The following TBC1D32 variants were observed in gnomAD, a reference collection of about 807,000 sequenced individuals.
TBC1D32 encodes protein broad-minded.
TBC1D32 carries 151 observed loss-of-function variants against 170.3 expected under a neutral mutation model. That is an observed-to-expected ratio of 0.89 (90% confidence interval 0.78 to 1.01). TBC1D32 has a LOEUF of 1.01. Among genes scored for constraint, TBC1D32 ranks in the 50% least tolerant of loss-of-function variants. The pLI is 0.00. For missense variants in TBC1D32, 1,464 were observed against 1,457.1 expected (o/e 1.00, Z -0.08); for synonymous variants, 498 against 488.0 (o/e 1.02, Z -0.27).
At chr6:121,260,081 A>C (rs1799566641) in intron 15 of TBC1D32, among the ~76,000 whole-genome samples, 1 of 152,180 alleles carries the variant, frequency 6.6e-6, no homozygotes, top group Admixed American at 6.5e-5. Flanking sequence ...TTAAGAACAA[A>C]GGAGAAACCA....
intron 30 of TBC1D32, among the ~76,000 whole-genome samples, chr6:121,096,430 T>C (rs2128181644): frequency 6.6e-6 from 1 of 152,152 alleles, no homozygotes; most frequent in South Asian, 2.1e-4. Context: ...AAATCATGAG[T>C]GAACTTCCAT....
intron 15 of TBC1D32, 23 bp downstream of exon 15, chr6:121,279,098 T>C (rs898002287): frequency 6.4e-7 from 1 of 1,574,110 alleles, no homozygotes; most frequent in Non-Finnish European, 8.6e-7. Flanking sequence ...GGAATAATTA[T>C]CCGGATTTAA....
At chr6:121,215,961 G>A (rs1013073721) in intron 21 of TBC1D32, among the ~76,000 whole-genome samples, 4 of 152,230 alleles carry the variant, frequency 2.6e-5, no homozygotes, top group South Asian at 2.1e-4. Context: ...CCCAAACAGC[G>A]ATAAATAGAA....
intron 1 of TBC1D32, among the ~76,000 whole-genome samples, chr6:121,328,609 A>G (rs1251120313): frequency 1.3e-5 from 2 of 152,078 alleles, no homozygotes; most frequent in African/African-American, 4.8e-5. Flanking sequence ...TATAGTCTGT[A>G]CAACGAATAA....
At chr6:121,248,735 C>T (rs1797939066) in intron 17 of TBC1D32, among the ~76,000 whole-genome samples, 1 of 151,434 alleles carries the variant, frequency 6.6e-6, no homozygotes, top group South Asian at 2.1e-4. Flanking sequence ...AAATATACAA[C>T]CATCCTAGAT....
intron 12 of TBC1D32, among the ~76,000 whole-genome samples, chr6:121,290,716 C>T (rs915710041): frequency 2.0e-5 from 3 of 151,792 alleles, no homozygotes; most frequent in African/African-American, 7.3e-5. Context: ...TTTATTGCGG[C>T]ACTATTCACA....
intron 20 of TBC1D32, 115 bp from the exon 21 acceptor site, chr6:121,223,467 C>T (rs1233116635): frequency 1.4e-6 from 1 of 714,160 alleles, no homozygotes; most frequent in South Asian, 1.7e-5. Context: ...TTTAAATATA[C>T]CTAATTCCCA....
intron 24 of TBC1D32, among the ~76,000 whole-genome samples, chr6:121,147,901 T>G (rs2128231345): frequency 6.7e-6 from 1 of 148,274 alleles, no homozygotes; most frequent in East Asian, 2.1e-4. Flanking sequence ...CTCATATTAT[T>G]TTTGTAACTT....
At chr6:121,256,531 G>A (rs1799043534) in intron 15 of TBC1D32, among the ~76,000 whole-genome samples, 1 of 152,092 alleles carries the variant, frequency 6.6e-6, no homozygotes, top group Non-Finnish European at 1.5e-5. Flanking sequence ...GATTATAGAC[G>A]CATTGAGACC....
intron 22 of TBC1D32, among the ~76,000 whole-genome samples, chr6:121,171,383 T>G (rs1409831975): frequency 6.6e-6 from 1 of 150,610 alleles, no homozygotes; most frequent in Non-Finnish European, 1.5e-5. Flanking sequence ...TCAAGCAAAC[T>G]TTAAAAGTGC....
intron 22 of TBC1D32, among the ~76,000 whole-genome samples, chr6:121,171,770 T>A (rs909702068): frequency 3.9e-5 from 6 of 152,124 alleles, no homozygotes; most frequent in Non-Finnish European, 7.4e-5. Flanking sequence ...TTTTATATGT[T>A]TAAAAATTCT....
chr6:121,317,787 T>G lies in TBC1D32; in HGVS notation c.318-115A>C, dbSNP rs575222951. ...AAGGGAAGTCCCTTTAAGAACACAA[T>G]GCTAAGGAGAAAAATCGAACTCAAT... On this transcript the variant is annotated intron_variant, in intron 2 of 31. Coordinates refer to ENST00000398212, the MANE Select transcript of TBC1D32 (RefSeq NM_152730.6). 3.6e-5 allele frequency: 24 copies of G among 661,704 alleles called. No homozygotes were observed. In the South Asian group the frequency reaches 7.4e-4, roughly 20 times the overall value. 41.0% of individuals were successfully genotyped at this position (661,704 alleles called of 1,614,324 possible). A position where few individuals can be genotyped will look rare whatever the true frequency, so the allele number is the denominator to read the frequency against.
Position 121,300,998 on chromosome 6 carries a change from TCA to T in TBC1D32, c.1081-1495_1081-1494del, listed in dbSNP as rs1169351683. 4.9e-3 allele frequency among the ~76,000 whole-genome samples: 749 copies of T among 152,274 alleles called. 4 individuals carry two copies. The highest frequency in any genetic ancestry group is 0.017 in the African/African-American group (725 of 41,544). On this transcript the variant is annotated intron_variant, in intron 9 of 31. Coordinates refer to ENST00000398212, the MANE Select transcript of TBC1D32 (RefSeq NM_152730.6). ...ATCAAAACCACAATGAGATACCATC[TCA>T]CATCAGTTAGAATGGTGATCATTAA...
chr6:121,092,671 G>A (rs1159824723), intron 30 of TBC1D32, among the ~76,000 whole-genome samples: 2 of 152,066 alleles, frequency 1.3e-5, no homozygotes, highest in Non-Finnish European at 2.9e-5. Context: ...GAGGCTTATA[G>A]ATGGTTGTCT....
At chr6:121,099,914 T>A (rs533394576) in intron 30 of TBC1D32, among the ~76,000 whole-genome samples, 2 of 151,936 alleles carry the variant, frequency 1.3e-5, no homozygotes, top group African/African-American at 2.4e-5. Flanking sequence ...AATTACTAGA[T>A]GGATAGTCTC....
upstream of TBC1D32, chr6:121,334,551 C>A (rs1811643693): frequency 7.4e-6 from 9 of 1,223,822 alleles, no homozygotes; most frequent in South Asian, 1.6e-5. Flanking sequence ...CCAGGGATAC[C>A]GCGGCGAGCG....
chr6:121,298,566 A>C (rs1300497193), intron 10 of TBC1D32, among the ~76,000 whole-genome samples: 1 of 152,136 alleles, frequency 6.6e-6, no homozygotes, highest in Non-Finnish European at 1.5e-5. Context: ...GAGAAAAATC[A>C]AATGTGGAAA....
intron 15 of TBC1D32, among the ~76,000 whole-genome samples, chr6:121,258,461 T>C (rs527952957): frequency 6.6e-6 from 1 of 152,262 alleles, no homozygotes; most frequent in East Asian, 1.9e-4. Context: ...TGTTTTTTGT[T>C]TTACATTTAG....
intron 15 of TBC1D32, among the ~76,000 whole-genome samples, chr6:121,269,950 T>C (rs1040271487): frequency 1.1e-4 from 17 of 152,040 alleles, no homozygotes; most frequent in African/African-American, 4.1e-4. Flanking sequence ...AACTCAGGAT[T>C]AAGAAACTCA....
Sources: gnomAD v4.1 joint callset for allele counts (sites outside exome capture counted in the v4.1 genomes callset) on GRCh38, gnomAD v4.1.1 for gene constraint, MANE v1.5 for transcripts, NCBI Gene and HGNC (gene_info 2026-07-23, HGNC 2026-07-21) for gene names.